Variants in QSER1 observed in about 807,000 individuals in gnomAD.
QSER1 encodes the protein glutamine and serine-rich protein 1.
A neutral mutation model predicts 158.5 loss-of-function variants in QSER1; 49 were observed. The observed-to-expected ratio is 0.31, with a 90% CI of 0.25 to 0.39. QSER1 has a LOEUF of 0.39. QSER1 is among the 10% of genes least tolerant of loss of function. The probability of loss-of-function intolerance (pLI) is 1.00; values close to 1 mark genes in which losing one functional copy is unlikely to be tolerated. For synonymous variants in QSER1, 650 were observed against 715.5 expected (o/e 0.91, Z 1.46); for missense variants, 1,754 against 2,010.3 (o/e 0.87, Z 2.44).
chr11:32,975,701 C>T, intron 12 of QSER1: 1 of 1,091,088 alleles, frequency 9.2e-7, no homozygotes, highest in Non-Finnish European at 1.1e-6. Context: ...ATCTCACTGC[C>T]TTACTTATTA....
intron 1 of QSER1, among the ~76,000 whole-genome samples, chr11:32,918,736 G>A (rs1035264899): frequency 2.0e-5 from 3 of 152,090 alleles, no homozygotes; most frequent in African/African-American, 7.2e-5. Flanking sequence ...ATAATTCCTT[G>A]TCTGTTCAAG....
chr11:32,916,256 C>T (rs1054202270), intron 1 of QSER1, among the ~76,000 whole-genome samples: 3 of 152,064 alleles, frequency 2.0e-5, no homozygotes, highest in African/African-American at 7.3e-5. Flanking sequence ...CATTTTAAAT[C>T]GTACAATTCA....
In QSER1 at chr11:32,935,391, C is replaced by T; in HGVS notation, c.4133C>T (p.Pro1378Leu). 1.9e-6 allele frequency: 3 copies of T among 1,562,960 alleles called. No homozygotes were observed. The highest frequency in any genetic ancestry group is 2.6e-6 in the Non-Finnish European group (3 of 1,161,798). ...GATGCTTATAAAAGCGTCTCTACTC[C>T]CTTAACTACTTTGGATGCTACTTCT... is the stretch of plus-strand genomic sequence containing the variant. ...SQDAYKSVST[P>L]LTTLDATSDK... Residue 1378 changes from proline to leucine, a missense_variant, in exon 4 of 13, where the codon CCC becomes CTC. Coordinates refer to ENST00000650167, the MANE Select transcript of QSER1 (RefSeq NM_001076786.3).
At chr11:32,936,133 C>T (rs1387911790) in intron 4 of QSER1, among the ~76,000 whole-genome samples, 5 of 152,080 alleles carry the variant, frequency 3.3e-5, no homozygotes, top group Non-Finnish European at 1.5e-5. Flanking sequence ...TGGTGGGCTG[C>T]ACCCATAACT....
At chr11:32,973,694 G>C in intron 11 of QSER1, 145 bp downstream of exon 11, 1 of 705,710 alleles carries the variant, frequency 1.4e-6, no homozygotes, top group Non-Finnish European at 2.3e-6. Context: ...TCACTGGCCT[G>C]AGGAACAGGG....
At chr11:32,937,426 A>G (rs1039404295) in intron 4 of QSER1, among the ~76,000 whole-genome samples, 8 of 152,070 alleles carry the variant, frequency 5.3e-5, no homozygotes, top group African/African-American at 1.9e-4. Context: ...CTGGGACTAT[A>G]GGCACATGCC....
intron 1 of QSER1, among the ~76,000 whole-genome samples, chr11:32,911,490 GA>G (rs1350588674): frequency 6.6e-6 from 1 of 152,198 alleles, no homozygotes; most frequent in Non-Finnish European, 1.5e-5. Flanking sequence ...TGATCCCTAT[GA>G]TATGGTTTGG....
intron 4 of QSER1, among the ~76,000 whole-genome samples, chr11:32,950,804 T>C (rs1326639295): frequency 1.3e-5 from 2 of 152,248 alleles, no homozygotes; most frequent in African/African-American, 4.8e-5. Context: ...TTCTTTCATT[T>C]AGCATAATGT....
intron 4 of QSER1, among the ~76,000 whole-genome samples, chr11:32,938,304 T>G (rs1451019258): frequency 6.6e-6 from 1 of 152,158 alleles, no homozygotes; most frequent in Non-Finnish European, 1.5e-5. Context: ...GCAATCATCT[T>G]TGTATTTGCA....
At chr11:32,897,091 CATTCATTTATCAAA>C (rs1240041423) in intron 1 of QSER1, among the ~76,000 whole-genome samples, 11 of 152,162 alleles carry the variant, frequency 7.2e-5, no homozygotes, top group African/African-American at 2.7e-4. Flanking sequence ...GTCACACGTA[CATTCATTTATCAAA>C]ATTCATTTAT....
Position 32,980,264 on chromosome 11 carries a change from A to C in QSER1, c.*3790A>C, listed in dbSNP as rs1564952833. 1 of 152,638 alleles carries C rather than the reference A, an allele frequency of 6.6e-6. No individual in the cohort carries two copies. The highest frequency in any genetic ancestry group is 1.5e-5 in the Non-Finnish European group (1 of 68,048). 9.5% of individuals were successfully genotyped at this position (152,638 alleles called of 1,614,324 possible). ...TAAAATGAAAACAATTTTTTTAAACAAGAAAATCAGAATGTTTGGGGTTTT... is the reference window on the plus strand; with the variant it reads ...TAAAATGAAAACAATTTTTTTAAACCAGAAAATCAGAATGTTTGGGGTTTT... On this transcript the variant is annotated 3_prime_UTR_variant, in exon 13 of 13. Transcript: ENST00000650167.
At chr11:32,922,420 C>T (rs1851910108) in intron 1 of QSER1, among the ~76,000 whole-genome samples, 1 of 150,764 alleles carries the variant, frequency 6.6e-6, no homozygotes. Context: ...AGTACTTTTA[C>T]TAAAGATTTC....
At chr11:32,901,843 G>A (rs867054720) in intron 1 of QSER1, among the ~76,000 whole-genome samples, 64 of 152,342 alleles carry the variant, frequency 4.2e-4, no homozygotes, top group African/African-American at 1.5e-3. Flanking sequence ...CAGCACTTTG[G>A]GATGCTGAGA....
chr11:32,931,163 T>C (rs1852040124), intron 3 of QSER1, among the ~76,000 whole-genome samples: 1 of 152,142 alleles, frequency 6.6e-6, no homozygotes, highest in African/African-American at 2.4e-5. Context: ...AATTAATCAC[T>C]AGAGATATGT....
chr11:32,913,668 T>C (rs953306507), intron 1 of QSER1, among the ~76,000 whole-genome samples: 2 of 152,240 alleles, frequency 1.3e-5, no homozygotes, highest in Non-Finnish European at 2.9e-5. Flanking sequence ...AATAGTAGCA[T>C]TGATTCAGCA....
intron 8 of QSER1, among the ~76,000 whole-genome samples, chr11:32,960,019 G>A (rs1852593406): frequency 6.6e-6 from 1 of 151,874 alleles, no homozygotes; most frequent in Admixed American, 6.6e-5. Context: ...CTCCCACTTC[G>A]GCCTCCCAAA....
At chr11:32,942,992 G>A (rs1460131557) in intron 4 of QSER1, among the ~76,000 whole-genome samples, 1 of 152,002 alleles carries the variant, frequency 6.6e-6, no homozygotes, top group African/African-American at 2.4e-5. Flanking sequence ...TCTCTTTGAA[G>A]CAATTGTAAA....
chr11:32,923,692 G>A lies in QSER1; in HGVS notation c.210-3465G>A, dbSNP rs373472257. 2.2e-3 allele frequency among the ~76,000 whole-genome samples: 324 copies of A among 150,402 alleles called. 2 individuals carry two copies. The highest frequency in any genetic ancestry group is 7.2e-3 in the African/African-American group (296 of 40,838). On this transcript the variant is annotated intron_variant, in intron 1 of 12. Transcript: ENST00000650167. ...GACTCTTGTCTCAAAAAAAAAGGCC[G>A]GGCACGGTGGCTCACACCTGTAATC...
rs931028290 is a variant in QSER1, at chr11:32,973,305, G to T, written c.5206-92G>T. ...CACACCTCTCTGCAAATAGGTGTTT[G>T]TGTGCACACACACTTCTAAATTTTA... is the stretch of plus-strand genomic sequence containing the variant. On this transcript the variant is annotated intron_variant, in intron 10 of 12. Transcript: ENST00000650167. 10 of 1,340,022 alleles carry T rather than the reference G, an allele frequency of 7.5e-6. No homozygotes were observed. The Admixed American group carries it at 1.7e-4, about 23-fold the overall frequency. 83.0% of individuals were successfully genotyped at this position (1,340,022 alleles called of 1,614,324 possible).
Sources: allele counts gnomAD v4.1 joint callset (sites outside exome capture counted in the v4.1 genomes callset), GRCh38; gene constraint gnomAD v4.1.1; transcripts MANE v1.5; gene names NCBI Gene and HGNC (gene_info 2026-07-23, HGNC 2026-07-21).